KCNQ1: variants seen among roughly 807,000 people sequenced by gnomAD.
The protein encoded by KCNQ1 is potassium voltage-gated channel subfamily Q member 1, also known as potassium voltage-gated channel subfamily KQT member 1.
Under a neutral mutation model 72.4 loss-of-function variants are expected in KCNQ1, and 49 were observed. The ratio of observed to expected loss-of-function variants is 0.68; its 90% CI spans 0.54 to 0.86. The LOEUF is 0.86. Among genes scored for constraint, KCNQ1 ranks in the 40% least tolerant of loss-of-function variants. The pLI, the probability that KCNQ1 is intolerant of heterozygous loss-of-function variation, is 0.00. For synonymous variants in KCNQ1, 450 were observed against 412.6 expected (o/e 1.09, Z -1.10); for missense variants, 790 against 945.1 (o/e 0.84, Z 2.15).
At chr11:2,788,638 G>T (rs1846958762) in intron 15 of KCNQ1, among the ~76,000 whole-genome samples, 1 of 152,110 alleles carries the variant, frequency 6.6e-6, no homozygotes, top group Non-Finnish European at 1.5e-5. Context: ...AAAGGCGGGG[G>T]CTCTGACTGA....
At chr11:2,618,589 T>C (rs1849110069) in intron 10 of KCNQ1, 10 of 398,502 alleles carry the variant, frequency 2.5e-5, no homozygotes, top group Non-Finnish European at 4.0e-5. Context: ...GACCATACTG[T>C]TTGATCAATA....
In KCNQ1 at chr11:2,651,287, T is replaced by C; in HGVS notation, c.1394-10674T>C. The C allele has an allele frequency of 2.5e-6, 1 of 398,696 alleles. No individual in the cohort carries two copies. Among genetic ancestry groups the C allele is most frequent in the Non-Finnish European group, 4.4e-6 (1 of 226,094 alleles). 24.7% of individuals were successfully genotyped at this position (398,696 alleles called of 1,614,324 possible). On this transcript the variant is annotated intron_variant, in intron 10 of 15. Transcript: ENST00000155840. The surrounding 1 kb of genome is among the most constrained non-coding windows in gnomAD (Gnocchi z 6.1). ...GGTCACTTATTGAGAAAGAGCTTCA[T>C]GGTGGGCAGCTGGGAAGCTGCACAG...
chr11:2,589,537 C>T (rs952569769), intron 10 of KCNQ1, among the ~76,000 whole-genome samples: 3 of 152,176 alleles, frequency 2.0e-5, no homozygotes, highest in African/African-American at 4.8e-5. Context: ...ATGTGGAGAG[C>T]GAGGCCCTAG....
In KCNQ1 at chr11:2,690,613, G is replaced by T; in HGVS notation, c.1514+28532G>T. 2.5e-6 allele frequency: 1 copy of T among 398,676 alleles called. No individual in the cohort carries two copies. Among genetic ancestry groups the T allele is most frequent in the South Asian group, 1.3e-4 (1 of 7,852 alleles). The allele number at this position is 398,676 out of a possible 1,614,324, so 24.7% of individuals were successfully genotyped here. On this transcript the variant is annotated intron_variant, in intron 11 of 15. Coordinates refer to ENST00000155840, the MANE Select transcript of KCNQ1 (RefSeq NM_000218.3). This position sits in a 1 kb window ranked among gnomAD's most constrained non-coding sequence, Gnocchi z 5.1. ...GGCAGGGAGTGGGGCACACATATGT[G>T]CATGTTCATATATGTGTCAGAATGC... is the stretch of plus-strand genomic sequence containing the variant.
At chr11:2,512,277 A>T (rs1847222336) in intron 1 of KCNQ1, among the ~76,000 whole-genome samples, 1 of 152,110 alleles carries the variant, frequency 6.6e-6, no homozygotes, top group Non-Finnish European at 1.5e-5. Flanking sequence ...GGGGCGGGAG[A>T]GGGCCGCAGG....
intron 10 of KCNQ1, chr11:2,660,428 A>G: frequency 2.5e-6 from 1 of 398,642 alleles, no homozygotes; most frequent in Non-Finnish European, 4.4e-6. Flanking sequence ...TAAAAACATA[A>G]AACATTTTCT....
chr11:2,662,454 G>A, intron 11 of KCNQ1: 2 of 480,798 alleles, frequency 4.2e-6, no homozygotes, highest in Admixed American at 3.7e-5. Context: ...CCAAAGCCAT[G>A]GGGCAGATGC....
chr11:2,845,746 G>A (rs971764155), intron 15 of KCNQ1, among the ~76,000 whole-genome samples: 2 of 152,154 alleles, frequency 1.3e-5, no homozygotes, highest in Admixed American at 6.5e-5. Context: ...CTGGAAGTGG[G>A]TCCCCTGGGC....
At chr11:2,825,452 G>T (rs952032355) in intron 15 of KCNQ1, among the ~76,000 whole-genome samples, 2 of 152,202 alleles carry the variant, frequency 1.3e-5, no homozygotes, top group African/African-American at 4.8e-5. Context: ...GGGTAGGGGC[G>T]CCCCAGCCCT....
chr11:2,700,477 C>T (rs1217796392), intron 11 of KCNQ1, among the ~76,000 whole-genome samples: 1 of 152,140 alleles, frequency 6.6e-6, no homozygotes, highest in Non-Finnish European at 1.5e-5. Flanking sequence ...GAGACCAGCC[C>T]CTCCGCCGGC....
intron 11 of KCNQ1, among the ~76,000 whole-genome samples, chr11:2,732,771 C>A (rs997774912): frequency 6.6e-6 from 1 of 152,130 alleles, no homozygotes; most frequent in East Asian, 1.9e-4. Context: ...TTATTGTGGC[C>A]GCCACCGAGG....
At chr11:2,726,594 C>T (rs534269618) in intron 11 of KCNQ1, among the ~76,000 whole-genome samples, 22 of 152,280 alleles carry the variant, frequency 1.4e-4, no homozygotes, top group South Asian at 4.1e-4. Context: ...GGTGGGACCC[C>T]GGTGAAGATC....
chr11:2,570,374 C>T (rs1183434549), intron 2 of KCNQ1, among the ~76,000 whole-genome samples: 1 of 152,236 alleles, frequency 6.6e-6, no homozygotes, highest in Non-Finnish European at 1.5e-5. Flanking sequence ...CTCCTCTGGC[C>T]TGGGTGGGCC....
intron 15 of KCNQ1, among the ~76,000 whole-genome samples, chr11:2,802,603 C>CCTGGGG (rs545971462): frequency 1.3e-4 from 19 of 151,704 alleles, no homozygotes; most frequent in Admixed American, 3.3e-4. Context: ...CCTGGGTCCC[C>CCTGGGG]AGGGTATAGG....
At chr11:2,510,634 G>A (rs1044733975) in intron 1 of KCNQ1, among the ~76,000 whole-genome samples, 5 of 152,210 alleles carry the variant, frequency 3.3e-5, no homozygotes, top group African/African-American at 9.7e-5. Flanking sequence ...AACATGTTGG[G>A]CTTTCTCTGC....
intron 15 of KCNQ1, among the ~76,000 whole-genome samples, chr11:2,789,422 T>C (rs1404286470): frequency 6.6e-6 from 1 of 152,178 alleles, no homozygotes; most frequent in East Asian, 1.9e-4. Context: ...AAGCCATCTG[T>C]TTGTCCATAG....
In KCNQ1 at chr11:2,783,285, T is replaced by C. The variant is rs1478203408; in HGVS notation, c.1794+5248T>C. On this transcript the variant is annotated intron_variant, in intron 15 of 15. Transcript: ENST00000155840. The surrounding 1 kb of genome is among the most constrained non-coding windows in gnomAD (Gnocchi z 5.2). ...TTATAATTGTAGCACAGCTTTCTCA[T>C]AATGTTGCCCTCTTGTCAGAGAAAG... 2.6e-5 allele frequency among the ~76,000 whole-genome samples: 4 copies of C among 152,174 alleles called. No individual in the cohort carries two copies. Among genetic ancestry groups the C allele is most frequent in the Admixed American group, 6.5e-5 (1 of 15,282 alleles).
intron 2 of KCNQ1, 128 bp from the exon 3 acceptor site, chr11:2,570,500 C>G: frequency 7.8e-7 from 1 of 1,289,576 alleles, no homozygotes; most frequent in Non-Finnish European, 1.1e-6. Flanking sequence ...GGCCAGGACC[C>G]GGGCCTGCTG....
intron 1 of KCNQ1, among the ~76,000 whole-genome samples, chr11:2,469,263 GT>G (rs113964559): frequency 5.8e-4 from 85 of 145,704 alleles, no homozygotes; most frequent in Admixed American, 1.4e-3. Context: ...GAATTCAAGA[GT>G]TTTTTTTTTT....
Sources: gnomAD v4.1 joint callset for allele counts (sites outside exome capture counted in the v4.1 genomes callset) on GRCh38, gnomAD v4.1.1 for gene constraint, Gnocchi (gnomAD v3.1) non-coding constraint, MANE v1.5 for transcripts, NCBI Gene and HGNC (gene_info 2026-07-23, HGNC 2026-07-21) for gene names.